The following CTNNA1 variants were observed in gnomAD, a reference collection of about 807,000 sequenced individuals.
CTNNA1 encodes catenin alpha 1.
A neutral mutation model predicts 98.4 loss-of-function variants in CTNNA1; 37 were observed. The observed-to-expected ratio is 0.38, with a 90% CI of 0.29 to 0.49. The LOEUF is 0.49. CTNNA1 is among the 20% of genes least tolerant of loss of function. The pLI, the probability that CTNNA1 is intolerant of heterozygous loss-of-function variation, is 0.95. For missense variants in CTNNA1, 761 were observed against 1,147.2 expected, an observed-to-expected ratio of 0.66 and a Z score of 4.86; for synonymous variants, 404 against 413.2, an observed-to-expected ratio of 0.98 and a Z score of 0.27.
At position 138,824,571 on chromosome 5, in the gene CTNNA1, T is replaced by C. The variant is rs1363430716; in HGVS notation, c.630T>C (p.Ala210=). The change falls in exon 6 of 18, where the codon GCT becomes GCC. Residue 210 remains alanine, a synonymous_variant. Transcript: ENST00000302763. ...GCCATCGTGATCAGATGGCTGCAGC[T>C]AGAGGAATCCTGCAGAAGAACGTTC... ...DVGHRDQMAA[A]RGILQKNVPI... 6.2e-7 allele frequency: 1 copy of C among 1,614,210 alleles called. No individual in the cohort carries two copies. Among genetic ancestry groups the C allele is most frequent in the Non-Finnish European group, 8.5e-7 (1 of 1,180,028 alleles).
Position 138,810,040 on chromosome 5 carries a change from G to T in CTNNA1, c.304G>T (p.Asp102Tyr). The T allele has an allele frequency of 6.2e-7, 1 of 1,600,092 alleles. No homozygotes were observed. Among genetic ancestry groups the T allele is most frequent in the Non-Finnish European group, 8.6e-7 (1 of 1,168,660 alleles). The change falls in exon 4 of 18, where the codon GAT (aspartate) becomes TAT (tyrosine). Residue 102 changes from aspartate (D) to tyrosine (Y), a missense_variant and splice_region_variant. Coordinates refer to ENST00000302763, the MANE Select transcript of CTNNA1 (RefSeq NM_001903.5). Reference protein sequence around the residue: ...AAVEDVRKQGDLMKAAAGEFA... With the variant: ...AAVEDVRKQGYLMKAAAGEFA... ...TTGTTTTTCATTCTGTAAAACAGGT[G>T]ATTTGATGAAGGCTGCTGCAGGAGA...
intron 7 of CTNNA1, among the ~76,000 whole-genome samples, chr5:138,848,404 T>A (rs1039585304): frequency 1.3e-5 from 2 of 152,234 alleles, no homozygotes; most frequent in Non-Finnish European, 2.9e-5. Context: ...TTTTTGTTTG[T>A]TTGTTTTTTT....
intron 9 of CTNNA1, among the ~76,000 whole-genome samples, chr5:138,890,177 A>T (rs1158914590): frequency 6.6e-6 from 1 of 152,184 alleles, no homozygotes; most frequent in African/African-American, 2.4e-5. Flanking sequence ...GGCAGGGTTG[A>T]TGGTGATAAG....
intron 7 of CTNNA1, among the ~76,000 whole-genome samples, chr5:138,884,442 AG>A (rs1753591645): frequency 6.6e-6 from 1 of 152,232 alleles, no homozygotes; most frequent in African/African-American, 2.4e-5. Flanking sequence ...AAACCTAGAA[AG>A]GGAAGGAGAT....
chr5:138,901,245 C>T (rs1264159862), intron 9 of CTNNA1, among the ~76,000 whole-genome samples: 1 of 152,118 alleles, frequency 6.6e-6, no homozygotes, highest in Non-Finnish European at 1.5e-5. Flanking sequence ...TCAACCTCCA[C>T]CTCCTGAGTT....
At chr5:138,850,137 T>C (rs1184135602) in intron 7 of CTNNA1, among the ~76,000 whole-genome samples, 1 of 152,242 alleles carries the variant, frequency 6.6e-6, no homozygotes, top group Non-Finnish European at 1.5e-5. Flanking sequence ...AACAATGTTT[T>C]CCTAATGTTT....
chr5:138,794,359 A>C (rs1756702581), intron 3 of CTNNA1, among the ~76,000 whole-genome samples: 1 of 152,214 alleles, frequency 6.6e-6, no homozygotes, highest in South Asian at 2.1e-4. Flanking sequence ...ATTTAAAAAA[A>C]AAACAAAAAA....
intron 17 of CTNNA1, chr5:138,933,006 A>G: frequency 1.3e-6 from 1 of 764,708 alleles, no homozygotes; most frequent in Non-Finnish European, 2.4e-6. Context: ...GGTGGCAGGT[A>G]CCTGTAAGTC....
chr5:138,786,543 A>G (rs935555214), intron 3 of CTNNA1, among the ~76,000 whole-genome samples: 3 of 152,158 alleles, frequency 2.0e-5, no homozygotes, highest in Non-Finnish European at 2.9e-5. Context: ...GATTCCTACA[A>G]TGACTAGAAT....
intron 5 of CTNNA1, among the ~76,000 whole-genome samples, chr5:138,813,056 C>T (rs1759007784): frequency 6.6e-6 from 1 of 152,192 alleles, no homozygotes; most frequent in East Asian, 1.9e-4. Flanking sequence ...CTGGAGTTTG[C>T]AGAAAACCCA....
At chr5:138,881,476 C>A (rs961029506) in intron 7 of CTNNA1, among the ~76,000 whole-genome samples, 1 of 152,164 alleles carries the variant, frequency 6.6e-6, no homozygotes, top group Non-Finnish European at 1.5e-5. Context: ...GCTTTTTAGC[C>A]CTACTCATGA....
intron 16 of CTNNA1, chr5:138,931,590 T>C: frequency 1.0e-6 from 1 of 984,964 alleles, no homozygotes; most frequent in Non-Finnish European, 1.2e-6. Context: ...TAGGGCCTAT[T>C]GCTTCCATTG....
At chr5:138,810,333 T>A in intron 4 of CTNNA1, 129 bp downstream of exon 4, 1 of 979,302 alleles carries the variant, frequency 1.0e-6, no homozygotes, top group Non-Finnish European at 1.5e-6. Context: ...ACCAGAGATG[T>A]TTTTGTTTAA....
At chr5:138,813,550 A>G (rs944678832) in intron 5 of CTNNA1, among the ~76,000 whole-genome samples, 8 of 152,196 alleles carry the variant, frequency 5.3e-5, no homozygotes, top group African/African-American at 1.9e-4. Flanking sequence ...GGAGTAGGGA[A>G]TGGATTTGGG....
At position 138,902,641 on chromosome 5, in the gene CTNNA1, G is replaced by A. The variant is rs558648083; in HGVS notation, c.1297-1708G>A. Among the ~76,000 whole-genome samples, 16 of 152,258 alleles carry A rather than the reference G, an allele frequency of 1.1e-4. No individual in the cohort carries two copies. In the East Asian group the frequency reaches 1.7e-3, roughly 17 times the overall value. The stretch of plus-strand genomic sequence containing the variant: ...TCACCGTGTTAGCCAGGATGGTCTC[G>A]ATCTCCTGACCTCATGATCCGCCCG... On this transcript the variant is annotated intron_variant, in intron 9 of 17. Coordinates refer to ENST00000302763, the MANE Select transcript of CTNNA1 (RefSeq NM_001903.5).
intron 7 of CTNNA1, chr5:138,875,432 T>C (rs1301830559): frequency 1.0e-6 from 1 of 985,610 alleles, no homozygotes; most frequent in East Asian, 1.1e-4. Flanking sequence ...GCTTTACTGT[T>C]ATAAAGCACC....
At chr5:138,881,710 A>C (rs1581441265) in intron 7 of CTNNA1, among the ~76,000 whole-genome samples, 1 of 152,298 alleles carries the variant, frequency 6.6e-6, no homozygotes, top group East Asian at 1.9e-4. Context: ...TGGGTAGAAG[A>C]AGCTTCAATG....
At chr5:138,800,758 G>A (rs565726449) in intron 3 of CTNNA1, among the ~76,000 whole-genome samples, 13 of 152,066 alleles carry the variant, frequency 8.5e-5, no homozygotes, top group East Asian at 1.9e-4. Context: ...AGCTGAGATC[G>A]CGCCACTGCA....
In CTNNA1 at chr5:138,873,767, A is replaced by G; in HGVS notation, c.1063-12445A>G. 1.2e-6 allele frequency: 2 copies of G among 1,613,974 alleles called. No individual in the cohort carries two copies. The highest frequency in any genetic ancestry group is 1.7e-6 in the Non-Finnish European group (2 of 1,179,892). On this transcript the variant is annotated intron_variant, in intron 7 of 17. Coordinates refer to ENST00000302763, the MANE Select transcript of CTNNA1 (RefSeq NM_001903.5). The surrounding 1 kb of genome is among the most constrained non-coding windows in gnomAD (Gnocchi z 6.1). ...AAACACTGTCAAGTCGATGGCTTTGATTTCATTTCCAGTCAGGTCTAGCTT... is the reference window on the plus strand; with the variant it reads ...AAACACTGTCAAGTCGATGGCTTTGGTTTCATTTCCAGTCAGGTCTAGCTT...
Sources: allele counts gnomAD v4.1 joint callset (sites outside exome capture counted in the v4.1 genomes callset), GRCh38; gene constraint gnomAD v4.1.1; non-coding constraint Gnocchi (gnomAD v3.1); transcripts MANE v1.5; gene names NCBI Gene and HGNC (gene_info 2026-07-23, HGNC 2026-07-21).